The following DDHD2 variants were observed in gnomAD, a reference collection of about 807,000 sequenced individuals.
The protein encoded by DDHD2 is triacylglycerol hydrolase DDHD2.
Under a neutral mutation model 91.2 loss-of-function variants are expected in DDHD2, and 62 were observed. The ratio of observed to expected loss-of-function variants is 0.68; its 90% CI spans 0.55 to 0.84. The LOEUF is 0.84. Ranked by LOEUF, DDHD2 falls within the 40% of genes least tolerant of loss-of-function variation. DDHD2 has a pLI of 0.00. For missense variants in DDHD2, 740 were observed against 846.9 expected, an observed-to-expected ratio of 0.87 and a Z score of 1.57; for synonymous variants, 271 against 293.9, an observed-to-expected ratio of 0.92 and a Z score of 0.80.
At chr8:38,234,310 T>G in intron 2 of DDHD2, 84 bp from the exon 3 acceptor site, 2 of 1,023,776 alleles carry the variant, frequency 2.0e-6, no homozygotes, top group Non-Finnish European at 2.7e-6. Context: ...TTTCATAACA[T>G]TATTTAGAGT....
intron 5 of DDHD2, chr8:38,238,515 T>C: frequency 9.1e-7 from 1 of 1,102,724 alleles, no homozygotes; most frequent in South Asian, 2.5e-5. Context: ...GACTAGAAAT[T>C]TATACCTGGT....
At chr8:38,251,869 C>T (rs147106070) in intron 11 of DDHD2, 43 bp from the exon 12 acceptor site, 27,188 of 1,451,492 alleles carry the variant, frequency 0.019, 356 homozygotes, top group Non-Finnish European at 0.021. Context: ...AGGTGCATGC[C>T]GTCATGCCCA....
In DDHD2 at chr8:38,255,223, A is replaced by G. The variant is rs998732824; in HGVS notation, c.2054+1505A>G. 5 of 290,330 alleles carry G rather than the reference A, an allele frequency of 1.7e-5. No individual in the cohort carries two copies. In the East Asian group the frequency reaches 5.3e-4, roughly 31 times the overall value. 18.0% of individuals were successfully genotyped at this position (290,330 alleles called of 1,614,324 possible). On this transcript the variant is annotated intron_variant, in intron 16 of 17. Coordinates refer to ENST00000397166, the MANE Select transcript of DDHD2 (RefSeq NM_015214.3). Reference sequence around the variant, plus strand: ...AAAAAAAAAAAAAAAAGCAAGCTCAAAGGTCCTAAGAATAATTTTTCCCTT... The same window carrying G: ...AAAAAAAAAAAAAAAAGCAAGCTCAGAGGTCCTAAGAATAATTTTTCCCTT...
Position 38,238,578 on chromosome 8 carries a change from G to A in DDHD2, c.622+369G>A, listed in dbSNP as rs927040537. The A allele has an allele frequency of 7.5e-5, 78 of 1,036,080 alleles. No homozygotes were observed. In the African/African-American group the frequency reaches 1.2e-3, roughly 17 times the overall value. The allele number at this position is 1,036,080 out of a possible 1,614,324, so 64.2% of individuals were successfully genotyped here. The stretch of plus-strand genomic sequence containing the variant: ...AACTAAGGAAAACTGTTTTTCAGCA[G>A]GACCTGATTATGCACTGCTATCTAG... On this transcript the variant is annotated intron_variant, in intron 5 of 17. Transcript: ENST00000397166.
Position 38,233,144 on chromosome 8 carries a change from A to G in DDHD2, c.150A>G (p.Ile50Met). The change falls in exon 2 of 18, where the codon ATA (isoleucine) becomes ATG (methionine). Residue 50 changes from isoleucine (I) to methionine (M), a missense_variant. Ile to Met is a conservative substitution (Grantham distance 10). Transcript: ENST00000397166. ...VSPHWFYCKI[I>M]DSKETWIPFN... is the part of the protein sequence containing the mutation. ...CCCATTGGTTTTATTGTAAGATAAT[A>G]GATTCTAAGGAGACATGGATTCCTT... The G allele has an allele frequency of 6.2e-7, 1 of 1,614,174 alleles. No individual in the cohort carries two copies. Among genetic ancestry groups the G allele is most frequent in the Non-Finnish European group, 8.5e-7 (1 of 1,180,024 alleles).
intron 5 of DDHD2, among the ~76,000 whole-genome samples, 188 bp from the exon 6 acceptor site, chr8:38,240,087 T>C (rs1462686126): frequency 6.6e-6 from 1 of 152,160 alleles, no homozygotes; most frequent in Non-Finnish European, 1.5e-5. Flanking sequence ...TACAGACTTA[T>C]TTCAAGATAA....
chr8:38,244,337 A>G (rs987967529), intron 7 of DDHD2, among the ~76,000 whole-genome samples: 9 of 151,992 alleles, frequency 5.9e-5, no homozygotes, highest in Non-Finnish European at 1.3e-4. Context: ...GTCTCGGCTC[A>G]CTGCAACCTC....
chr8:38,236,598 C>G (rs1804778667), intron 3 of DDHD2, among the ~76,000 whole-genome samples: 1 of 152,020 alleles, frequency 6.6e-6, no homozygotes. Flanking sequence ...TCACCGCAAC[C>G]TCTGCCTCCT....
chr8:38,267,808 G>C, downstream of DDHD2: 1 of 1,290,536 alleles, frequency 7.7e-7, no homozygotes, highest in South Asian at 1.2e-5. Flanking sequence ...AAAAGAATGA[G>C]AAAGACGTGT....
At position 38,253,505 on chromosome 8, in the gene DDHD2, C is replaced by A. The variant is rs749713406; in HGVS notation, c.1892-51C>A. 20 of 1,544,740 alleles carry A rather than the reference C, an allele frequency of 1.3e-5. No individual in the cohort carries two copies. In the African/African-American group the frequency reaches 2.5e-4, roughly 19 times the overall value. On this transcript the variant is annotated intron_variant, in intron 15 of 17. Coordinates refer to ENST00000397166, the MANE Select transcript of DDHD2 (RefSeq NM_015214.3). ...GTGTGAGGAGAAGTTAACAGGATAA[C>A]CCTGAAGGCCAAAAGGTTTTAGATT...
intron 7 of DDHD2, among the ~76,000 whole-genome samples, chr8:38,244,487 A>G (rs978792253): frequency 1.4e-5 from 2 of 146,512 alleles, no homozygotes; most frequent in African/African-American, 5.1e-5. Flanking sequence ...TGGACTCCTG[A>G]CCTCATGATC....
At position 38,232,876 on chromosome 8, in the gene DDHD2, G is replaced by A. The variant is rs941685463; in HGVS notation, c.-8-111G>A. ...TCTTTTAAATTATGTAGATTTTGTT[G>A]TTGTTGTTGTTGCAGAAATGGCTCC... is the stretch of plus-strand genomic sequence containing the variant. On this transcript the variant is annotated intron_variant, in intron 1 of 17. Coordinates refer to ENST00000397166, the MANE Select transcript of DDHD2 (RefSeq NM_015214.3). The A allele has an allele frequency of 3.9e-4, 261 of 662,964 alleles. 1 individual carries two copies. The East Asian group carries it at 7.1e-3, about 18-fold the overall frequency. The allele number at this position is 662,964 out of a possible 1,614,324, so 41.1% of individuals were successfully genotyped here.
In DDHD2 at chr8:38,268,582, C is replaced by G. The variant is rs554006173; in HGVS notation, n.88-2540C>G. 10 of 1,457,488 alleles carry G rather than the reference C, an allele frequency of 6.9e-6. No individual in the cohort carries two copies. The African/African-American group carries it at 1.4e-4, about 21-fold the overall frequency. The allele number at this position is 1,457,488 out of a possible 1,614,324, so 90.3% of individuals were successfully genotyped here. A position where few individuals can be genotyped will look rare whatever the true frequency, so the allele number is the denominator to read the frequency against. On this transcript the variant is annotated intron_variant and non_coding_transcript_variant, in intron 1 of 1. Coordinates refer to the DDHD2 transcript ENST00000526071. ...AGCTAACATAAGGTCTCTGAGTGCG[C>G]GTAACCGGGCGCCAGGCAGCGCCAC...
Position 38,240,364 on chromosome 8 carries a change from G to A in DDHD2, c.712G>A (p.Val238Ile). The change falls in exon 6 of 18, where the codon GTT (valine) becomes ATT (isoleucine). Residue 238 changes from valine to isoleucine, a missense_variant and splice_region_variant. By Grantham distance (29) the Val-to-Ile change is conservative (BLOSUM62 3). Transcript: ENST00000397166. ...CCGCTTTCGAAGCATTGTACAGTGT[G>A]GTAGGTTTGCAAAGCATGTGAGAGA... ...DLRFRSIVQC[V>I]NDFRSVSLNL... The A allele has an allele frequency of 6.3e-7, 1 of 1,595,936 alleles. No homozygotes were observed. The highest frequency in any genetic ancestry group is 8.6e-7 in the Non-Finnish European group (1 of 1,166,286).
chr8:38,248,493 A>G (rs1342646580), intron 10 of DDHD2, among the ~76,000 whole-genome samples: 1 of 152,126 alleles, frequency 6.6e-6, no homozygotes, highest in African/African-American at 2.4e-5. Context: ...TGAATAAGAC[A>G]TATGATCCCT....
rs112293241 is a variant in DDHD2 at position 38,254,137 on chromosome 8, A to G, written c.2054+419A>G. On this transcript the variant is annotated intron_variant, in intron 16 of 17. Coordinates refer to ENST00000397166, the MANE Select transcript of DDHD2 (RefSeq NM_015214.3). The stretch of plus-strand genomic sequence containing the variant: ...AATGACTTCTCATTTAGACAGCACA[A>G]GCACAATCATGTCATTTCAAGAATC... Among the ~76,000 whole-genome samples the G allele has an allele frequency of 1.6e-3, 237 of 152,226 alleles. 2 individuals are homozygous for G. The highest frequency in any genetic ancestry group is 5.3e-3 in the African/African-American group (222 of 41,538).
Position 38,253,113 on chromosome 8 carries a change from C to G in DDHD2, c.1877C>G (p.Ser626Ter), listed in dbSNP as rs1563312884. Residue 626 changes from serine (S) to a stop codon, truncating the protein, a stop_gained, in exon 15 of 18, where the codon TCA becomes TGA. Transcript: ENST00000397166. LOFTEE classifies it high-confidence loss of function. ...ACTGAAGCAGAACCTGAATCAACTT[C>G]AGAGAAGCCTAGTGGTCAGTGACAC... Reference protein sequence around the residue: ...EETEAEPESTSEKPSDVNTEE... With the variant: ...EETEAEPEST 1.2e-6 allele frequency: 2 copies of G among 1,613,772 alleles called. No homozygotes were observed. Among genetic ancestry groups the G allele is most frequent in the Non-Finnish European group, 1.7e-6 (2 of 1,179,822 alleles).
chr8:38,253,962 G>C (rs1473278911), intron 16 of DDHD2, among the ~76,000 whole-genome samples: 1 of 151,876 alleles, frequency 6.6e-6, no homozygotes, highest in Admixed American at 6.6e-5. Context: ...TATAGTCCCA[G>C]CTACTTGGGA....
At chr8:38,247,479 AAATTCAGCAAATGTTTGTT>A (rs1437141528) in intron 9 of DDHD2, 5 of 259,246 alleles carry the variant, frequency 1.9e-5, no homozygotes, top group Non-Finnish European at 3.6e-5. Context: ...AGCTCCCTTA[AAATTCAGCAAATGTTTGTT>A]AATGATGATG....
Sources: allele counts gnomAD v4.1 joint callset (sites outside exome capture counted in the v4.1 genomes callset), GRCh38; gene constraint gnomAD v4.1.1; transcripts MANE v1.5; gene names NCBI Gene and HGNC (gene_info 2026-07-23, HGNC 2026-07-21).